The following CACHD1 variants were observed in gnomAD, a reference collection of about 807,000 sequenced individuals.
CACHD1 encodes VWFA and cache domain-containing protein 1.
A neutral mutation model predicts 138.7 loss-of-function variants in CACHD1; 71 were observed. That is an observed-to-expected ratio of 0.51 (90% CI 0.42 to 0.62). The LOEUF (loss-of-function observed/expected upper bound fraction) is 0.62, where lower values mean the gene tolerates loss of function less well. CACHD1 is among the 20% of genes least tolerant of loss of function. The pLI is 0.00. For missense variants in CACHD1, 1,389 were observed against 1,625.3 expected, an observed-to-expected ratio of 0.85 and a Z score of 2.50; for synonymous variants, 578 against 591.5, an observed-to-expected ratio of 0.98 and a Z score of 0.33.
chr1:64,648,677 A>G (rs116543456), intron 9 of CACHD1, among the ~76,000 whole-genome samples: 1,912 of 152,214 alleles, frequency 0.013, 40 homozygotes, highest in African/African-American at 0.043. Context: ...TATCATTGTT[A>G]TTATTACTAA....
At chr1:64,524,838 T>A (rs1646524531) in intron 1 of CACHD1, among the ~76,000 whole-genome samples, 2 of 152,232 alleles carry the variant, frequency 1.3e-5, no homozygotes, top group African/African-American at 4.8e-5. Flanking sequence ...TTTCTGGCCC[T>A]TTCCTTACTG....
At chr1:64,549,569 TA>T (rs1646743262) in intron 1 of CACHD1, among the ~76,000 whole-genome samples, 1 of 152,122 alleles carries the variant, frequency 6.6e-6, no homozygotes, top group Admixed American at 6.5e-5. Context: ...TGTTTAGATG[TA>T]CATTGCATGA....
chr1:64,668,200 G>T (rs1649697910), intron 16 of CACHD1, among the ~76,000 whole-genome samples: 1 of 151,938 alleles, frequency 6.6e-6, no homozygotes, highest in Admixed American at 6.6e-5. Context: ...GGAGGCGCAT[G>T]CCTGTAATCC....
intron 3 of CACHD1, among the ~76,000 whole-genome samples, chr1:64,587,698 G>A (rs899467990): frequency 3.9e-5 from 6 of 152,154 alleles, no homozygotes; most frequent in African/African-American, 1.4e-4. Flanking sequence ...AAACAACATA[G>A]TTTTGAGAGT....
Position 64,690,007 on chromosome 1 carries a change from G to A in CACHD1, c.3587-1316G>A, listed in dbSNP as rs115680670. 6.3e-3 allele frequency among the ~76,000 whole-genome samples: 956 copies of A among 152,220 alleles called. 14 individuals are homozygous for A. Among genetic ancestry groups the A allele is most frequent in the African/African-American group, 0.021 (890 of 41,522 alleles). On this transcript the variant is annotated intron_variant, in intron 26 of 26. Transcript: ENST00000651257. ...TAGGGAAAGATGACGTCTCTTATTCGTGTTTCCTCTTCTCCCGCTCCAGCC... is the reference window on the plus strand; with the variant it reads ...TAGGGAAAGATGACGTCTCTTATTCATGTTTCCTCTTCTCCCGCTCCAGCC...
chr1:64,522,793 A>T (rs1012896684), intron 1 of CACHD1, among the ~76,000 whole-genome samples: 1 of 152,232 alleles, frequency 6.6e-6, no homozygotes, highest in Non-Finnish European at 1.5e-5. Flanking sequence ...TTTCCTCCTA[A>T]TCATGAATTT....
At chr1:64,582,108 G>A (rs777196326) in intron 2 of CACHD1, 48 bp from the exon 3 acceptor site, 4 of 1,597,200 alleles carry the variant, frequency 2.5e-6, no homozygotes, top group South Asian at 1.1e-5. Context: ...AATACAATGA[G>A]TTATTGTCTT....
intron 3 of CACHD1, among the ~76,000 whole-genome samples, chr1:64,595,934 G>T (rs1394935119): frequency 1.3e-5 from 2 of 152,220 alleles, no homozygotes; most frequent in Non-Finnish European, 2.9e-5. Context: ...TGGCTGAGTT[G>T]CTGAACCCTG....
chr1:64,606,832 C>T (rs758676255), intron 4 of CACHD1, among the ~76,000 whole-genome samples: 6 of 152,020 alleles, frequency 3.9e-5, no homozygotes, highest in South Asian at 2.1e-4. Flanking sequence ...GGTAGGGGAC[C>T]AGGTATGTGA....
chr1:64,653,229 AG>A (rs1365173602), intron 10 of CACHD1, among the ~76,000 whole-genome samples: 3 of 152,096 alleles, frequency 2.0e-5, no homozygotes, highest in East Asian at 3.9e-4. Context: ...AGGCTACCTA[AG>A]GGTGGAAAGC....
chr1:64,583,396 C>G (rs1012333034), intron 3 of CACHD1, among the ~76,000 whole-genome samples: 1 of 152,154 alleles, frequency 6.6e-6, no homozygotes, highest in East Asian at 1.9e-4. Flanking sequence ...ACACTCAATA[C>G]CCACATGGTC....
At chr1:64,583,808 C>T (rs935476434) in intron 3 of CACHD1, among the ~76,000 whole-genome samples, 3 of 151,988 alleles carry the variant, frequency 2.0e-5, no homozygotes, top group East Asian at 1.9e-4. Flanking sequence ...TTTATAAAAC[C>T]GTCAGATCTC....
intron 17 of CACHD1, among the ~76,000 whole-genome samples, chr1:64,672,088 ACATTTCCC>A: frequency 6.6e-6 from 1 of 152,264 alleles, no homozygotes; most frequent in Non-Finnish European, 1.5e-5. Context: ...TGTTCCTTTT[ACATTTCCC>A]CAGAAAGAGA....
rs372000913 is a variant in CACHD1 at position 64,634,227 on chromosome 1, C to A, written c.973C>A (p.Arg325=). 1.9e-6 allele frequency: 3 copies of A among 1,613,662 alleles called. No homozygotes were observed. Among genetic ancestry groups the A allele is most frequent in the South Asian group, 1.1e-5 (1 of 91,044 alleles). The change falls in exon 7 of 27, where the codon CGA becomes AGA. Residue 325 remains arginine (R), a synonymous_variant. Coordinates refer to ENST00000651257, the MANE Select transcript of CACHD1 (RefSeq NM_020925.4). The part of the protein sequence containing the change: ...VGFQKAFQLI[R]STNNNTKFQA... ...ATTCCAAAAGGCATTTCAGCTGATT[C>A]GAAGTACAAACAATAACACAAAGTT...
At chr1:64,560,025 A>G (rs922729889) in intron 2 of CACHD1, among the ~76,000 whole-genome samples, 1 of 152,218 alleles carries the variant, frequency 6.6e-6, no homozygotes, top group African/African-American at 2.4e-5. Flanking sequence ...TTTAATATCT[A>G]TCAGCAAGAA....
chr1:64,690,744 T>C (rs1650521474), intron 26 of CACHD1, among the ~76,000 whole-genome samples: 1 of 152,220 alleles, frequency 6.6e-6, no homozygotes, highest in African/African-American at 2.4e-5. Flanking sequence ...AAGAATTGCC[T>C]GACACAAGTG....
chr1:64,610,600 C>T (rs1466952110), intron 4 of CACHD1, among the ~76,000 whole-genome samples: 1 of 152,228 alleles, frequency 6.6e-6, no homozygotes, highest in Non-Finnish European at 1.5e-5. Flanking sequence ...CAGGGGTATG[C>T]TGATACAAGA....
At chr1:64,565,826 G>A (rs972496380) in intron 2 of CACHD1, among the ~76,000 whole-genome samples, 3 of 152,168 alleles carry the variant, frequency 2.0e-5, no homozygotes, top group Admixed American at 6.5e-5. Flanking sequence ...GAGGTAATAA[G>A]TATAAATTGT....
chr1:64,536,367 G>C (rs1646632697), intron 1 of CACHD1, among the ~76,000 whole-genome samples: 1 of 152,238 alleles, frequency 6.6e-6, no homozygotes, highest in Non-Finnish European at 1.5e-5. Context: ...TTCCCATCCA[G>C]GAACTCAAGC....
Sources: gnomAD v4.1 joint callset for allele counts (sites outside exome capture counted in the v4.1 genomes callset) on GRCh38, gnomAD v4.1.1 for gene constraint, MANE v1.5 for transcripts, NCBI Gene and HGNC (gene_info 2026-07-23, HGNC 2026-07-21) for gene names.